The following TENM1 variants were observed in gnomAD, a reference collection of about 807,000 sequenced individuals.
TENM1 encodes the protein teneurin-1.
Under a neutral mutation model 174.8 loss-of-function variants are expected in TENM1, and 35 were observed. That is an observed-to-expected ratio of 0.20 (90% CI 0.15 to 0.27). TENM1 has a LOEUF of 0.27. TENM1 is among the 10% of genes least tolerant of loss of function. The pLI is 1.00. For missense variants in TENM1, 1,633 were observed against 2,130.1 expected (o/e 0.77, Z 4.59); for synonymous variants, 781 against 798.7 (o/e 0.98, Z 0.37).
exon 26 of TENM1, chrX:124,406,411 C>T (rs1192481546): frequency 1.7e-6 from 2 of 1,209,842 alleles, no homozygotes; most frequent in Admixed American, 4.4e-5. Context: ...CTTTTGTCAG[C>T]TTCTCCAGGT....
chrX:124,784,233 C>G (rs2147182829), intron 3 of TENM1, among the ~76,000 whole-genome samples: 1 of 111,117 alleles, frequency 9.0e-6, no homozygotes, highest in South Asian at 3.7e-4. Flanking sequence ...GAGAATAACT[C>G]CAAGAAAACC....
At chrX:124,509,535 A>G (rs1235683866) in intron 18 of TENM1, among the ~76,000 whole-genome samples, 1 of 110,748 alleles carries the variant, frequency 9.0e-6, no homozygotes, top group African/African-American at 3.3e-5. Flanking sequence ...AAAGGGATTC[A>G]ATATTGTAAT....
At chrX:125,143,692 A>G in the TENM1 span, among the ~76,000 whole-genome samples, 1 of 111,314 alleles carries the variant, frequency 9.0e-6, no homozygotes, top group African/African-American at 3.3e-5. Context: ...TTGTGATACA[A>G]TGTTGAAAAA....
intron 3 of TENM1, among the ~76,000 whole-genome samples, chrX:124,741,289 T>C (rs2053793710): frequency 8.9e-6 from 1 of 111,919 alleles, no homozygotes. Context: ...TTTTGGATAA[T>C]GTGTTAGAGA....
chrX:124,741,723 T>C (rs1211808087), intron 3 of TENM1, among the ~76,000 whole-genome samples: 1 of 112,016 alleles, frequency 8.9e-6, no homozygotes, highest in African/African-American at 3.2e-5. Context: ...AACTTCTAAA[T>C]ACCAGATGTG....
intron 18 of TENM1, among the ~76,000 whole-genome samples, chrX:124,508,462 AC>A (rs1445831777): frequency 1.8e-5 from 2 of 112,304 alleles, no homozygotes; most frequent in Non-Finnish European, 3.8e-5. Context: ...AATAAACTTT[AC>A]CTGGACATGA....
intron 3 of TENM1, among the ~76,000 whole-genome samples, chrX:124,784,989 A>G (rs1486755555): frequency 2.7e-5 from 3 of 111,909 alleles, no homozygotes; most frequent in Non-Finnish European, 3.8e-5. Flanking sequence ...AAGAATCTCA[A>G]TTACATGGCA....
chrX:125,192,944 A>G, the TENM1 span, among the ~76,000 whole-genome samples: 1 of 111,617 alleles, frequency 9.0e-6, no homozygotes, highest in Non-Finnish European at 1.9e-5. Context: ...AATATCATTT[A>G]TGTTGATTAC....
intron 3 of TENM1, among the ~76,000 whole-genome samples, chrX:124,834,856 T>C (rs952858291): frequency 1.8e-5 from 2 of 112,172 alleles, no homozygotes; most frequent in Admixed American, 1.9e-4. Context: ...TCAACTACCT[T>C]GTCTCCAGAT....
At chrX:125,065,495 G>A in the TENM1 span, among the ~76,000 whole-genome samples, 3 of 111,071 alleles carry the variant, frequency 2.7e-5, no homozygotes, top group African/African-American at 9.8e-5. Context: ...ATCTGTAAAG[G>A]CCACCCATTT....
At chrX:124,788,870 A>G (rs1252164448) in intron 3 of TENM1, among the ~76,000 whole-genome samples, 2 of 111,829 alleles carry the variant, frequency 1.8e-5, no homozygotes, top group Non-Finnish European at 3.8e-5. Flanking sequence ...TGGGGTATGG[A>G]GGACAGTGGC....
the TENM1 span, among the ~76,000 whole-genome samples, chrX:124,971,936 T>G: frequency 0.032 from 3,599 of 111,566 alleles, 128 homozygotes; most frequent in African/African-American, 0.11. Context: ...AACCTGAGTT[T>G]TAAAAAAATT....
chrX:124,405,009 C>G (rs1569529465), intron 27 of TENM1, 22 bp downstream of exon 30: 1 of 1,173,526 alleles, frequency 8.5e-7, no homozygotes, highest in Non-Finnish European at 1.2e-6. Context: ...AGTTCTATAT[C>G]TTGTGTAAAG....
intron 14 of TENM1, among the ~76,000 whole-genome samples, chrX:124,560,811 G>T (rs2048802302): frequency 8.9e-6 from 1 of 111,854 alleles, no homozygotes; most frequent in Middle Eastern, 4.6e-3. Context: ...CTAATATACA[G>T]AAATTCAAAC....
chrX:125,099,860 C>A, the TENM1 span, among the ~76,000 whole-genome samples: 6 of 111,774 alleles, frequency 5.4e-5, no homozygotes, highest in African/African-American at 2.0e-4. Context: ...CTAAATTATC[C>A]TTTTAATAAA....
chrX:124,757,728 C>T (rs1007941704), intron 3 of TENM1, among the ~76,000 whole-genome samples: 4 of 112,189 alleles, frequency 3.6e-5, no homozygotes, highest in African/African-American at 9.7e-5. Context: ...TCTTAAAATT[C>T]GAGGGATACT....
chrX:124,857,517 G>T (rs1603248564), intron 3 of TENM1, among the ~76,000 whole-genome samples: 1 of 111,499 alleles, frequency 9.0e-6, no homozygotes, highest in African/African-American at 3.3e-5. Flanking sequence ...GATTTAATTT[G>T]TATGACATCT....
chrX:124,904,053 G>A (rs1488767851), intron 1 of TENM1, among the ~76,000 whole-genome samples: 1 of 108,260 alleles, frequency 9.2e-6, no homozygotes, highest in Non-Finnish European at 1.9e-5. Flanking sequence ...TTTGGTCAAT[G>A]GGTGCGTGTG....
chrX:125,000,724 GC>G, the TENM1 span, among the ~76,000 whole-genome samples: 2 of 111,070 alleles, frequency 1.8e-5, no homozygotes, highest in African/African-American at 3.3e-5. Flanking sequence ...CAACCAACTG[GC>G]TTTTTTTCTG....
Sources: allele counts gnomAD v4.1 joint callset (sites outside exome capture counted in the v4.1 genomes callset), GRCh38; gene constraint gnomAD v4.1.1; transcripts MANE v1.5; gene names NCBI Gene and HGNC (gene_info 2026-07-23, HGNC 2026-07-21).